Variants in TYW1 observed in about 807,000 individuals in gnomAD.
TYW1 encodes the protein S-adenosyl-L-methionine-dependent tRNA 4-demethylwyosine synthase TYW1.
A neutral mutation model predicts 96.2 loss-of-function variants in TYW1; 46 were observed. The observed-to-expected ratio is 0.48, with a 90% CI of 0.38 to 0.61. TYW1 has a LOEUF of 0.61. Among genes scored for constraint, TYW1 ranks in the 20% least tolerant of loss-of-function variants. The pLI is 0.00. For synonymous variants in TYW1, 274 were observed against 323.0 expected (o/e 0.85, Z 1.63); for missense variants, 684 against 909.6 (o/e 0.75, Z 3.19).
chr7:67,009,882 G>A (rs1304471724), intron 4 of TYW1, 198 bp downstream of exon 4: 1 of 560,414 alleles, frequency 1.8e-6, no homozygotes, highest in Admixed American at 3.9e-5. Flanking sequence ...GTGGTGTGGG[G>A]CTTGTTCTTC....
At chr7:67,041,902 T>C (rs1211728504) in intron 7 of TYW1, among the ~76,000 whole-genome samples, 2 of 151,660 alleles carry the variant, frequency 1.3e-5, no homozygotes, top group African/African-American at 4.8e-5. Flanking sequence ...AAAGTTCTTA[T>C]GTAGATTGAA....
chr7:67,023,941 A>G (rs1341032116), intron 6 of TYW1, among the ~76,000 whole-genome samples: 2 of 152,178 alleles, frequency 1.3e-5, no homozygotes, highest in African/African-American at 2.4e-5. Context: ...TGTCTACATC[A>G]TAAGTAGTTA....
chr7:67,063,452 T>C (rs1182491049), intron 9 of TYW1, among the ~76,000 whole-genome samples: 1 of 152,200 alleles, frequency 6.6e-6, no homozygotes, highest in Non-Finnish European at 1.5e-5. Flanking sequence ...AGAAAATGCA[T>C]ACAGGTTGCA....
At chr7:67,066,928 A>C (rs1388901898) in intron 9 of TYW1, among the ~76,000 whole-genome samples, 2 of 152,242 alleles carry the variant, frequency 1.3e-5, no homozygotes, top group African/African-American at 4.8e-5. Flanking sequence ...ATGCTTGCAT[A>C]GGCAGACAGC....
intron 15 of TYW1, among the ~76,000 whole-genome samples, chr7:67,224,201 C>T (rs1170808172): frequency 6.6e-6 from 1 of 152,250 alleles, no homozygotes; most frequent in East Asian, 1.9e-4. Flanking sequence ...GATCTCAGCT[C>T]ACTGCAACCT....
At position 67,013,369 on chromosome 7, in the gene TYW1, C is replaced by T. The variant is rs575010792; in HGVS notation, c.376-998C>T. Among the ~76,000 whole-genome samples, 4 of 152,192 alleles carry T rather than the reference C, an allele frequency of 2.6e-5. No homozygotes were observed. In the South Asian group the frequency reaches 6.2e-4, roughly 24 times the overall value. Reference sequence around the variant, plus strand: ...AACTCCTGATCTCAAGTGATCCACCCGCCTCAACCTCCCAAAGTCCTGGGA... The same window carrying T: ...AACTCCTGATCTCAAGTGATCCACCTGCCTCAACCTCCCAAAGTCCTGGGA... On this transcript the variant is annotated intron_variant, in intron 4 of 15. Transcript: ENST00000359626.
intron 7 of TYW1, among the ~76,000 whole-genome samples, chr7:67,029,414 T>TATATACATATATATATATAC (rs1562973615): frequency 2.2e-5 from 3 of 138,374 alleles, no homozygotes; most frequent in African/African-American, 5.4e-5. Context: ...TGTGTGTGTG[T>TATATACATATATATATATAC]GTATATATAT....
chr7:67,234,401 C>T (rs1408767284), intron 15 of TYW1, among the ~76,000 whole-genome samples: 2 of 149,748 alleles, frequency 1.3e-5, no homozygotes, highest in African/African-American at 4.9e-5. Context: ...AAGTCACTTG[C>T]TCACTCACTT....
intron 15 of TYW1, among the ~76,000 whole-genome samples, chr7:67,227,666 T>A (rs1801610895): frequency 6.6e-6 from 1 of 152,036 alleles, no homozygotes; most frequent in African/African-American, 2.4e-5. Flanking sequence ...GTCAGACATG[T>A]AGCAGTCAAC....
At chr7:67,012,957 T>G (rs1427175805) in intron 4 of TYW1, among the ~76,000 whole-genome samples, 1 of 151,986 alleles carries the variant, frequency 6.6e-6, no homozygotes, top group African/African-American at 2.4e-5. Flanking sequence ...CCAAACATTT[T>G]GGATAACGGA....
At chr7:67,003,939 G>A (rs181934618) in intron 3 of TYW1, among the ~76,000 whole-genome samples, 1,557 of 152,282 alleles carry the variant, frequency 0.01, 12 homozygotes, top group African/African-American at 0.035. Context: ...AGCTACACGG[G>A]AGGCTAAGGC....
At chr7:67,100,452 A>G (rs1159680020) in intron 12 of TYW1, among the ~76,000 whole-genome samples, 1 of 151,974 alleles carries the variant, frequency 6.6e-6, no homozygotes, top group Non-Finnish European at 1.5e-5. Flanking sequence ...AAAGGTGCTC[A>G]GTACATGGGT....
chr7:67,016,948 T>C (rs1220280945), intron 5 of TYW1, among the ~76,000 whole-genome samples: 9 of 151,846 alleles, frequency 5.9e-5, no homozygotes, highest in African/African-American at 2.2e-4. Flanking sequence ...TCAAATAAAT[T>C]AGACTATGAT....
intron 7 of TYW1, among the ~76,000 whole-genome samples, chr7:67,028,990 C>T (rs147917959): frequency 5.3e-5 from 8 of 151,178 alleles, no homozygotes; most frequent in African/African-American, 9.7e-5. Context: ...TTTATTTGGA[C>T]GCTGATATGG....
chr7:67,204,466 C>T (rs774512138), intron 15 of TYW1, among the ~76,000 whole-genome samples: 2 of 150,420 alleles, frequency 1.3e-5, no homozygotes, highest in African/African-American at 2.4e-5. Context: ...TCTCCTTCCT[C>T]CCTCCCTTCC....
At chr7:67,049,880 C>T in intron 7 of TYW1, 69 bp from the exon 8 acceptor site, 1 of 1,584,750 alleles carries the variant, frequency 6.3e-7, no homozygotes, top group Non-Finnish European at 8.6e-7. Context: ...GCTAGGTGTT[C>T]ATGATTGTGC....
intron 13 of TYW1, among the ~76,000 whole-genome samples, chr7:67,140,550 A>G (rs1230761151): frequency 6.6e-6 from 1 of 152,218 alleles, no homozygotes; most frequent in Non-Finnish European, 1.5e-5. Context: ...AAATAAGAAA[A>G]TAGAAAAATA....
In TYW1 at chr7:67,239,349, T is replaced by A. The variant is rs544804563; in HGVS notation, c.*820T>A. On this transcript the variant is annotated 3_prime_UTR_variant, in exon 16 of 16. Transcript: ENST00000359626. The stretch of plus-strand genomic sequence containing the variant: ...ATGACCAGACGGCGGGTCTCCATCT[T>A]CTTTCACTCCTGTGGCCCTGGCTGC... 3.1e-5 allele frequency: 31 copies of A among 985,416 alleles called. No homozygotes were observed. In the African/African-American group the frequency reaches 5.2e-4, roughly 17 times the overall value. The allele number at this position is 985,416 out of a possible 1,614,324, so 61.0% of individuals were successfully genotyped here. A position where few individuals can be genotyped will look rare whatever the true frequency, so the allele number is the denominator to read the frequency against.
intron 13 of TYW1, among the ~76,000 whole-genome samples, chr7:67,121,330 G>T (rs12668424): frequency 0.066 from 10,036 of 152,278 alleles, 531 homozygotes; most frequent in East Asian, 0.31. Flanking sequence ...GAGGTCAGGA[G>T]TTCAAGACCA....
Sources: gnomAD v4.1 joint callset for allele counts (sites outside exome capture counted in the v4.1 genomes callset) on GRCh38, gnomAD v4.1.1 for gene constraint, MANE v1.5 for transcripts, NCBI Gene and HGNC (gene_info 2026-07-23, HGNC 2026-07-21) for gene names.